The following GNB1 variants were observed in gnomAD, a reference collection of about 807,000 sequenced individuals.
GNB1 encodes the protein guanine nucleotide-binding protein G(I)/G(S)/G(T) subunit beta-1.
GNB1 carries 2 observed loss-of-function variants against 42.9 expected under a neutral mutation model. The observed-to-expected ratio is 0.05, with a 90% confidence interval of 0.02 to 0.15. The LOEUF (loss-of-function observed/expected upper bound fraction) is 0.15, where lower values mean the gene tolerates loss of function less well. Ranked by LOEUF, GNB1 falls within the 10% of genes least tolerant of loss-of-function variation. The pLI is 1.00. For missense variants in GNB1, 193 were observed against 462.2 expected, an observed-to-expected ratio of 0.42 and a Z score of 5.34; for synonymous variants, 183 against 174.7, an observed-to-expected ratio of 1.05 and a Z score of -0.38.
chr1:1,820,140 T>G (rs188745050), intron 3 of GNB1, among the ~76,000 whole-genome samples: 2 of 152,062 alleles, frequency 1.3e-5, no homozygotes, highest in Non-Finnish European at 2.9e-5. Flanking sequence ...GTGGATCACC[T>G]GAGGTCAGGA....
At chr1:1,802,950 CAG>C (rs1646645788) in intron 7 of GNB1, among the ~76,000 whole-genome samples, 1 of 152,096 alleles carries the variant, frequency 6.6e-6, no homozygotes, top group Non-Finnish European at 1.5e-5. Context: ...CAGAAAAGAA[CAG>C]AGAACAGAAA....
chr1:1,860,782 A>G (rs1053211438), intron 1 of GNB1, among the ~76,000 whole-genome samples: 1 of 151,902 alleles, frequency 6.6e-6, no homozygotes, highest in African/African-American at 2.4e-5. Context: ...TCCACCCCAA[A>G]AGCCTCACCT....
intron 1 of GNB1, among the ~76,000 whole-genome samples, chr1:1,861,088 G>A (rs937707782): frequency 9.2e-5 from 12 of 131,060 alleles, no homozygotes; most frequent in Non-Finnish European, 1.4e-4. Flanking sequence ...CAGCCTGGGC[G>A]ACAGAGCGAG....
At chr1:1,866,635 T>TA (rs35188163) in intron 1 of GNB1, among the ~76,000 whole-genome samples, 62,461 of 146,358 alleles carry the variant, frequency 0.43, 13,308 homozygotes, top group Middle Eastern at 0.52. Flanking sequence ...CTGATGAGCT[T>TA]AAAAAAAAAA....
Position 1,848,357 on chromosome 1 carries a change from CAAAAAAA to C in GNB1, c.-95-9126_-95-9120del, listed in dbSNP as rs56979938. Among the ~76,000 whole-genome samples, 14 of 94,368 alleles carry C rather than the reference CAAAAAAA, an allele frequency of 1.5e-4. No individual in the cohort carries two copies. In the South Asian group the frequency reaches 1.6e-3, roughly 11 times the overall value. The allele number at this position is 94,368 out of a possible 152,430, so 61.9% of individuals were successfully genotyped here. On this transcript the variant is annotated intron_variant, in intron 1 of 11. Coordinates refer to ENST00000378609, the MANE Select transcript of GNB1 (RefSeq NM_002074.5). Reference sequence around the variant, plus strand: ...CTGAGCCATTGCACTCCAGCCCAGGCAAAAAAAAAAAAAAAAAGAAAAAGAAAAAATA... The same window carrying C: ...CTGAGCCATTGCACTCCAGCCCAGGCAAAAAAAAAAGAAAAAGAAAAAATA...
At chr1:1,871,305 C>T (rs1373129675) in intron 1 of GNB1, among the ~76,000 whole-genome samples, 1 of 151,946 alleles carries the variant, frequency 6.6e-6, no homozygotes, top group Non-Finnish European at 1.5e-5. Context: ...ATTAAAAATA[C>T]AAAAATTAGC....
At chr1:1,825,647 G>C in intron 2 of GNB1, 148 bp from the exon 3 acceptor site, 3 of 526,996 alleles carry the variant, frequency 5.7e-6, no homozygotes, top group Middle Eastern at 3.2e-4. Context: ...GGCAGATCAC[G>C]AGGTCAGGAG....
At chr1:1,817,940 T>C (rs1646878951) in intron 3 of GNB1, 65 bp from the exon 4 acceptor site, 2 of 1,238,710 alleles carry the variant, frequency 1.6e-6, no homozygotes, top group Non-Finnish European at 2.4e-6. Context: ...GGTCCACACA[T>C]ACCAAAGTTT....
At chr1:1,878,228 C>G (rs1373197997) in intron 1 of GNB1, among the ~76,000 whole-genome samples, 2 of 152,176 alleles carry the variant, frequency 1.3e-5, no homozygotes, top group Admixed American at 1.3e-4. Context: ...GCTAATGGCA[C>G]AGGCATCTTC....
intron 1 of GNB1, among the ~76,000 whole-genome samples, chr1:1,857,956 T>C (rs1206458598): frequency 6.6e-6 from 1 of 152,222 alleles, no homozygotes; most frequent in Non-Finnish European, 1.5e-5. Flanking sequence ...TGATATTTTA[T>C]GGTGCCATAC....
chr1:1,871,626 G>A (rs1649254929), intron 1 of GNB1, among the ~76,000 whole-genome samples: 1 of 152,142 alleles, frequency 6.6e-6, no homozygotes, highest in Non-Finnish European at 1.5e-5. Flanking sequence ...AAGACTTCCA[G>A]ACTGGACTCC....
intron 1 of GNB1, among the ~76,000 whole-genome samples, chr1:1,864,734 T>C (rs924012013): frequency 6.6e-6 from 1 of 152,248 alleles, no homozygotes; most frequent in Non-Finnish European, 1.5e-5. Flanking sequence ...TTCTTCGTTC[T>C]GCAATTTATA....
chr1:1,792,513 G>A (rs946645132), intron 8 of GNB1, among the ~76,000 whole-genome samples: 2 of 151,724 alleles, frequency 1.3e-5, no homozygotes, highest in African/African-American at 4.8e-5. Context: ...CCTGGCCAAC[G>A]TGGTGAAATC....
chr1:1,880,347 T>C (rs939881199), intron 1 of GNB1, among the ~76,000 whole-genome samples: 1 of 152,150 alleles, frequency 6.6e-6, no homozygotes, highest in Non-Finnish European at 1.5e-5. Context: ...ACGCTTGTAA[T>C]CCCAGCGCTT....
At chr1:1,840,973 C>A (rs987613576) in intron 1 of GNB1, among the ~76,000 whole-genome samples, 1 of 152,196 alleles carries the variant, frequency 6.6e-6, no homozygotes, top group Non-Finnish European at 1.5e-5. Context: ...TTCACTGGAA[C>A]CTCCGACTCA....
chr1:1,796,981 AGT>A (rs1407745463), intron 7 of GNB1, among the ~76,000 whole-genome samples: 6 of 152,136 alleles, frequency 3.9e-5, no homozygotes, highest in African/African-American at 1.4e-4. Flanking sequence ...TCAAGGATAG[AGT>A]GAGTCCAGAG....
At chr1:1,864,325 AAAAAAAAAAAAG>A (rs1342733695) in intron 1 of GNB1, among the ~76,000 whole-genome samples, 7 of 149,230 alleles carry the variant, frequency 4.7e-5, no homozygotes, top group Non-Finnish European at 1.0e-4. Context: ...AAAAAAAAAA[AAAAAAAAAAAAG>A]AAGAAAACCC....
intron 2 of GNB1, among the ~76,000 whole-genome samples, chr1:1,826,387 G>A (rs1275475762): frequency 1.3e-5 from 2 of 152,056 alleles, no homozygotes; most frequent in African/African-American, 2.4e-5. Flanking sequence ...ACTGCATTCC[G>A]GCCTGGGTGA....
At chr1:1,820,356 TAAAAAAAAA>T (rs35466451) in intron 3 of GNB1, among the ~76,000 whole-genome samples, 41 of 101,870 alleles carry the variant, frequency 4.0e-4, no homozygotes, top group Admixed American at 1.2e-3. Flanking sequence ...AGACTCTGTT[TAAAAAAAAA>T]AAAAAAAAAA....
Sources: gnomAD v4.1 joint callset for allele counts (sites outside exome capture counted in the v4.1 genomes callset) on GRCh38, gnomAD v4.1.1 for gene constraint, MANE v1.5 for transcripts, NCBI Gene and HGNC (gene_info 2026-07-23, HGNC 2026-07-21) for gene names.